Variants in ARHGAP22 observed in about 807,000 individuals in gnomAD.
ARHGAP22 encodes rho GTPase-activating protein 22.
Under a neutral mutation model 59.1 loss-of-function variants are expected in ARHGAP22, and 48 were observed. That is an observed-to-expected ratio of 0.81 (90% CI 0.64 to 1.03). ARHGAP22 has a LOEUF of 1.03. Among genes scored for constraint, ARHGAP22 ranks in the 50% least tolerant of loss-of-function variants. The probability of loss-of-function intolerance (pLI) is 0.00; values close to 1 mark genes in which losing one functional copy is unlikely to be tolerated. For missense variants in ARHGAP22, 1,015 were observed against 958.7 expected (o/e 1.06, Z -0.78); for synonymous variants, 445 against 416.4 (o/e 1.07, Z -0.84).
intron 1 of ARHGAP22, among the ~76,000 whole-genome samples, chr10:48,597,502 G>A (rs902836180): frequency 6.6e-6 from 1 of 152,148 alleles, no homozygotes; most frequent in Admixed American, 6.5e-5. Flanking sequence ...AGAGCCTCAG[G>A]TTTCTGTCTA....
At chr10:48,628,047 G>T (rs549784821) in intron 1 of ARHGAP22, among the ~76,000 whole-genome samples, 2 of 152,350 alleles carry the variant, frequency 1.3e-5, no homozygotes, top group East Asian at 3.9e-4. Context: ...GGCCACAGCT[G>T]GCATCACAGG....
chr10:48,615,787 T>C (rs569324201), intron 1 of ARHGAP22, among the ~76,000 whole-genome samples: 2 of 152,224 alleles, frequency 1.3e-5, no homozygotes, highest in Admixed American at 6.5e-5. Context: ...TGAACTTCGA[T>C]ACAGAGAAAT....
chr10:48,513,259 G>C lies in ARHGAP22; in HGVS notation c.323-33495C>G, dbSNP rs554602620. 8.5e-5 allele frequency among the ~76,000 whole-genome samples: 13 copies of C among 152,346 alleles called. 1 individual carries two copies. The South Asian group carries it at 1.7e-3, about 19-fold the overall frequency. On this transcript the variant is annotated intron_variant, in intron 3 of 9. Coordinates refer to ENST00000249601, the MANE Select transcript of ARHGAP22 (RefSeq NM_021226.4). ...GCCAAAACTTGCAGATCTGGGGAAGGAGATATCCACTGGGGGCTTTGAAAA... is the reference window on the plus strand; with the variant it reads ...GCCAAAACTTGCAGATCTGGGGAAGCAGATATCCACTGGGGGCTTTGAAAA...
chr10:48,553,915 T>TCTCCCCA (rs2057102453), intron 3 of ARHGAP22, among the ~76,000 whole-genome samples: 3 of 152,164 alleles, frequency 2.0e-5, no homozygotes, highest in African/African-American at 7.2e-5. Flanking sequence ...TCACTACCCC[T>TCTCCCCA]GTCCCCAGAG....
Position 48,616,392 on chromosome 10 carries a change from T to C in ARHGAP22, c.53-33240A>G, listed in dbSNP as rs115790391. Among the ~76,000 whole-genome samples the C allele has an allele frequency of 4.4e-3, 671 of 152,056 alleles. 6 individuals carry two copies. Among genetic ancestry groups the C allele is most frequent in the African/African-American group, 0.016 (654 of 41,462 alleles). Reference sequence around the variant, plus strand: ...TATGCCTACATATGCATAGAGGAAGTCCAAGAAAGAAAAGAGGAAAAGGAG... The same window carrying C: ...TATGCCTACATATGCATAGAGGAAGCCCAAGAAAGAAAAGAGGAAAAGGAG... On this transcript the variant is annotated intron_variant, in intron 1 of 9. Transcript: ENST00000435790.
At chr10:48,437,636 A>G in the ARHGAP22 span, 70 of 152,304 alleles carry the variant, frequency 4.6e-4, no homozygotes, top group African/African-American at 1.5e-3. Context: ...TAGTTATACT[A>G]TACGCAGATA....
intron 4 of ARHGAP22, 115 bp downstream of exon 4, chr10:48,479,521 G>C: frequency 6.3e-7 from 1 of 1,574,854 alleles, no homozygotes. Context: ...AGAAGCACAG[G>C]ATGCAGCCAG....
intron 2 of ARHGAP22, among the ~76,000 whole-genome samples, chr10:48,580,040 T>C (rs1191024246): frequency 2.0e-5 from 3 of 152,072 alleles, no homozygotes; most frequent in Non-Finnish European, 4.4e-5. Flanking sequence ...GAAGAAGTTT[T>C]ATTGTCCCAA....
chr10:48,434,070 A>T, the ARHGAP22 span, among the ~76,000 whole-genome samples: 7 of 152,294 alleles, frequency 4.6e-5, no homozygotes, highest in Admixed American at 3.3e-4. Context: ...TTCCTAAACC[A>T]ATCCCCTTGA....
At chr10:48,432,033 C>T in the ARHGAP22 span, among the ~76,000 whole-genome samples, 1 of 152,146 alleles carries the variant, frequency 6.6e-6, no homozygotes, top group South Asian at 2.1e-4. Context: ...TGAACTAATA[C>T]AGTAACTTCA....
Position 48,450,711 on chromosome 10 carries a change from CGGCGG to C in ARHGAP22, c.1413_1417del (p.His471GlnfsTer133). 6.4e-7 allele frequency: 1 copy of C among 1,553,416 alleles called. No homozygotes were observed. The highest frequency in any genetic ancestry group is 8.7e-7 in the Non-Finnish European group (1 of 1,148,740). ...CTTGAGCCGGTCTCCCGACGAGGCC[CGGCGG>C]TGTCCGCGCAGGGAGGACAGCCCGT... On this transcript the variant is annotated frameshift_variant, in exon 9 of 10. Transcript: ENST00000249601. LOFTEE classifies it high-confidence loss of function.
chr10:48,512,711 G>A (rs1356796907), intron 3 of ARHGAP22, among the ~76,000 whole-genome samples: 1 of 152,146 alleles, frequency 6.6e-6, no homozygotes, highest in Non-Finnish European at 1.5e-5. Flanking sequence ...CCCATCCAAA[G>A]GCTGCACAAA....
chr10:48,543,640 C>A (rs2056170668), intron 3 of ARHGAP22, among the ~76,000 whole-genome samples: 1 of 152,208 alleles, frequency 6.6e-6, no homozygotes, highest in African/African-American at 2.4e-5. Context: ...TTCCTTGACT[C>A]ACTCCAGGCC....
Position 48,450,784 on chromosome 10 carries a change from G to A in ARHGAP22, c.1345C>T (p.Leu449=). The change falls in exon 9 of 10, where the codon CTG becomes TTG. Residue 449 remains leucine (L), a synonymous_variant. Coordinates refer to ENST00000249601, the MANE Select transcript of ARHGAP22 (RefSeq NM_021226.4). ...SGSPKGGGSS[L]EVPIISSGGN... The stretch of plus-strand genomic sequence containing the variant: ...CCGGAGGAGATGATGGGCACCTCCA[G>A]GGATGAGCCGCCCCCCTTCGGGCTT... 6.4e-7 allele frequency: 1 copy of A among 1,568,232 alleles called. No homozygotes were observed. Among genetic ancestry groups the A allele is most frequent in the Non-Finnish European group, 8.6e-7 (1 of 1,157,552 alleles).
At chr10:48,624,721 A>G (rs1262377064) in intron 1 of ARHGAP22, among the ~76,000 whole-genome samples, 1 of 152,186 alleles carries the variant, frequency 6.6e-6, no homozygotes, top group African/African-American at 2.4e-5. Flanking sequence ...TTTTGAGCCA[A>G]CTCCAAGAAA....
chr10:48,485,638 G>A (rs1202188427), intron 3 of ARHGAP22, among the ~76,000 whole-genome samples: 2 of 152,072 alleles, frequency 1.3e-5, no homozygotes, highest in African/African-American at 4.8e-5. Context: ...TTTTCTCCTT[G>A]TATTTCTATC....
upstream of ARHGAP22, among the ~76,000 whole-genome samples, chr10:48,605,558 G>C (rs1019626556): frequency 6.6e-5 from 10 of 152,204 alleles, no homozygotes; most frequent in African/African-American, 2.4e-4. Flanking sequence ...TTCATAGGAA[G>C]ATCTGAATTG....
chr10:48,556,318 C>T (rs1038910387), intron 2 of ARHGAP22, among the ~76,000 whole-genome samples: 1 of 152,106 alleles, frequency 6.6e-6, no homozygotes, highest in Non-Finnish European at 1.5e-5. Context: ...TGCCAGATTC[C>T]CATGTGGTAA....
chr10:48,467,246 T>C (rs988198170), intron 4 of ARHGAP22, among the ~76,000 whole-genome samples: 10 of 152,218 alleles, frequency 6.6e-5, no homozygotes, highest in African/African-American at 2.4e-4. Flanking sequence ...CAGCTGGTGA[T>C]GGACCTTCAT....
Sources: allele counts gnomAD v4.1 joint callset (sites outside exome capture counted in the v4.1 genomes callset), GRCh38; gene constraint gnomAD v4.1.1; transcripts MANE v1.5; gene names NCBI Gene and HGNC (gene_info 2026-07-23, HGNC 2026-07-21).